The following RUFY2 variants were observed in gnomAD, a reference collection of about 807,000 sequenced individuals.
The protein encoded by RUFY2 is RUN and FYVE domain-containing protein 2.
In RUFY2, 49 loss-of-function variants were observed where a neutral mutation model predicts 94.4. The ratio of observed to expected loss-of-function variants is 0.52; its 90% confidence interval spans 0.41 to 0.66. The LOEUF (loss-of-function observed/expected upper bound fraction) is 0.66. Ranked by LOEUF, RUFY2 falls within the 30% of genes least tolerant of loss-of-function variation. The pLI is 0.00. For synonymous variants in RUFY2, 255 were observed against 235.7 expected, an observed-to-expected ratio of 1.08 and a Z score of -0.75; for missense variants, 541 against 692.8, an observed-to-expected ratio of 0.78 and a Z score of 2.46.
intron 13 of RUFY2, among the ~76,000 whole-genome samples, chr10:68,375,234 T>A (rs1474968122): frequency 2.9e-5 from 4 of 135,710 alleles, no homozygotes; most frequent in Admixed American, 1.7e-4. Flanking sequence ...TTCCACAATT[T>A]AAAAAAAATG....
rs1459788736 is a variant in RUFY2, at chr10:68,344,930, A to T, written c.*838T>A. ...TTAATGCTTAGAGGAGAGGACCTTT[A>T]TAAGGAGCCTGTAACATCCCCTACT... On this transcript the variant is annotated 3_prime_UTR_variant, in exon 18 of 18. Transcript: ENST00000602465. 1 of 152,206 alleles carries T rather than the reference A, an allele frequency of 6.6e-6. No homozygotes were observed. The highest frequency in any genetic ancestry group is 1.5e-5 in the Non-Finnish European group (1 of 68,032). The allele number at this position is 152,206 out of a possible 1,614,324, so 9.4% of individuals were successfully genotyped here.
chr10:68,406,261 C>T (rs931091721), intron 1 of RUFY2, among the ~76,000 whole-genome samples: 8 of 152,024 alleles, frequency 5.3e-5, no homozygotes, highest in African/African-American at 1.7e-4. Context: ...ACACTGAATC[C>T]TAAGCAACCT....
At chr10:68,405,557 G>T in intron 1 of RUFY2, 2 of 736,936 alleles carry the variant, frequency 2.7e-6, no homozygotes, top group Non-Finnish European at 3.3e-6. Flanking sequence ...TACGGTCTTA[G>T]GATGAATTCC....
chr10:68,360,756 A>G (rs2047403512), intron 15 of RUFY2, among the ~76,000 whole-genome samples: 1 of 151,990 alleles, frequency 6.6e-6, no homozygotes, highest in Non-Finnish European at 1.5e-5. Flanking sequence ...TCAAAAAACG[A>G]TAATAATAAT....
chr10:68,363,413 G>C (rs946616910), intron 15 of RUFY2, among the ~76,000 whole-genome samples, 177 bp downstream of exon 15: 2 of 152,156 alleles, frequency 1.3e-5, no homozygotes, highest in South Asian at 2.1e-4. Flanking sequence ...CTGACTTCAT[G>C]ATCCACCCGC....
chr10:68,342,171 C>T (rs1372781216), downstream of RUFY2: 4 of 662,268 alleles, frequency 6.0e-6, no homozygotes, highest in Non-Finnish European at 7.3e-6. Flanking sequence ...AATGTGTTTT[C>T]AAAATATTAT....
intron 16 of RUFY2, among the ~76,000 whole-genome samples, chr10:68,354,886 GC>G (rs1416691041): frequency 6.8e-6 from 1 of 146,354 alleles, no homozygotes; most frequent in African/African-American, 2.5e-5. Flanking sequence ...TCGCTCTGTT[GC>G]CCAGGATGGA....
intron 13 of RUFY2, among the ~76,000 whole-genome samples, chr10:68,366,388 A>C (rs1014563342): frequency 1.3e-5 from 2 of 151,442 alleles, no homozygotes; most frequent in African/African-American, 4.8e-5. Flanking sequence ...GTACATAAAG[A>C]ATTAAAATGT....
downstream of RUFY2, chr10:68,341,275 A>C: frequency 6.2e-7 from 1 of 1,605,390 alleles, no homozygotes; most frequent in Non-Finnish European, 8.5e-7. Context: ...ATGAAGATGC[A>C]GTAGCTGCCA....
intron 1 of RUFY2, 59 bp from the exon 2 acceptor site, chr10:68,404,903 C>G (rs2051148491): frequency 7.4e-7 from 1 of 1,359,704 alleles, no homozygotes; most frequent in Non-Finnish European, 9.9e-7. Flanking sequence ...GAAAAATATA[C>G]AAACCATTCC....
chr10:68,365,042 T>G (rs943140208), intron 13 of RUFY2, among the ~76,000 whole-genome samples: 10 of 152,196 alleles, frequency 6.6e-5, no homozygotes, highest in African/African-American at 2.4e-4. Context: ...ATTGCAACAT[T>G]ATAATGTTGA....
At chr10:68,382,853 G>A (rs1272293674) in intron 10 of RUFY2, among the ~76,000 whole-genome samples, 5 of 152,070 alleles carry the variant, frequency 3.3e-5, no homozygotes, top group Non-Finnish European at 7.4e-5. Context: ...TCATTAAGCT[G>A]TATATTCGTA....
chr10:68,362,997 T>C (rs1331166060), intron 15 of RUFY2, among the ~76,000 whole-genome samples: 3 of 152,330 alleles, frequency 2.0e-5, no homozygotes, highest in Middle Eastern at 3.4e-3. Flanking sequence ...ATTCAGCTTC[T>C]GTTTTTCTGA....
chr10:68,359,523 T>G (rs2047306686), intron 15 of RUFY2, among the ~76,000 whole-genome samples: 1 of 146,162 alleles, frequency 6.8e-6, no homozygotes, highest in Non-Finnish European at 1.5e-5. Flanking sequence ...TACATAGTAG[T>G]ATATTTATAT....
intron 13 of RUFY2, among the ~76,000 whole-genome samples, chr10:68,366,311 C>G (rs1183691171): frequency 5.4e-5 from 6 of 110,380 alleles, no homozygotes; most frequent in African/African-American, 2.1e-4. Flanking sequence ...GCCTGGGTGA[C>G]TGAGCAAGAA....
chr10:68,348,115 T>C (rs1322093847), intron 16 of RUFY2, among the ~76,000 whole-genome samples: 1 of 142,002 alleles, frequency 7.0e-6, no homozygotes, highest in Non-Finnish European at 1.5e-5. Context: ...TTATAAGGGC[T>C]TTTTTTTTTT....
At chr10:68,369,680 G>A (rs1481679659) in intron 13 of RUFY2, among the ~76,000 whole-genome samples, 1 of 152,150 alleles carries the variant, frequency 6.6e-6, no homozygotes, top group Non-Finnish European at 1.5e-5. Context: ...CAAGCACTTT[G>A]GGAGGCCAAG....
chr10:68,387,106 C>T (rs1422651206), intron 7 of RUFY2, among the ~76,000 whole-genome samples: 1 of 152,094 alleles, frequency 6.6e-6, no homozygotes, highest in African/African-American at 2.4e-5. Context: ...CCTGTAATCC[C>T]GGCACTTTGG....
At position 68,353,114 on chromosome 10, in the gene RUFY2, C is replaced by A. The variant is rs370429863; in HGVS notation, c.1599+2239G>T. On this transcript the variant is annotated intron_variant, in intron 16 of 17. Coordinates refer to ENST00000602465, the MANE Select transcript of RUFY2 (RefSeq NM_001330103.2). ...TTGGGAGGCCGAGGCAGGTGCATCACCTGAGGTCAGGAGTTTGAGACCAGC... is the reference window on the plus strand; with the variant it reads ...TTGGGAGGCCGAGGCAGGTGCATCAACTGAGGTCAGGAGTTTGAGACCAGC... 3.9e-5 allele frequency among the ~76,000 whole-genome samples: 6 copies of A among 152,104 alleles called. No individual in the cohort carries two copies. The South Asian group carries it at 1.2e-3, about 32-fold the overall frequency.
Sources: gnomAD v4.1 joint callset for allele counts (sites outside exome capture counted in the v4.1 genomes callset) on GRCh38, gnomAD v4.1.1 for gene constraint, MANE v1.5 for transcripts, NCBI Gene and HGNC (gene_info 2026-07-23, HGNC 2026-07-21) for gene names.